Variants in AUH observed in about 807,000 individuals in gnomAD.
The protein encoded by AUH is methylglutaconyl-CoA hydratase, mitochondrial.
In AUH, 29 loss-of-function variants were observed where a neutral mutation model predicts 42.3. The ratio of observed to expected loss-of-function variants is 0.69; its 90% CI spans 0.51 to 0.93. AUH has a LOEUF of 0.93. Ranked by LOEUF, AUH falls within the 40% of genes least tolerant of loss-of-function variation. AUH has a pLI of 0.00. For missense variants in AUH, 452 were observed against 438.1 expected (o/e 1.03, Z -0.28); for synonymous variants, 174 against 166.4 (o/e 1.05, Z -0.35).
intron 6 of AUH, among the ~76,000 whole-genome samples, chr9:91,293,110 G>A (rs55642352): frequency 6.6e-6 from 1 of 151,890 alleles, no homozygotes; most frequent in Admixed American, 6.6e-5. Flanking sequence ...CTCAACCAAC[G>A]GGCTGTTCCC....
chr9:91,356,328 G>T (rs935407712), intron 1 of AUH, among the ~76,000 whole-genome samples, 173 bp from the exon 2 acceptor site: 2 of 152,096 alleles, frequency 1.3e-5, no homozygotes, highest in Non-Finnish European at 2.9e-5. Context: ...CAACATTTTG[G>T]TAAATTTTAC....
At chr9:91,341,835 G>A (rs1003397853) in intron 3 of AUH, among the ~76,000 whole-genome samples, 2 of 152,218 alleles carry the variant, frequency 1.3e-5, no homozygotes, top group African/African-American at 4.8e-5. Context: ...AAATGTGATG[G>A]AGGCTGGGGG....
chr9:91,325,332 A>G lies in AUH; in HGVS notation c.491T>C (p.Val164Ala). 4 of 1,613,750 alleles carry G rather than the reference A, an allele frequency of 2.5e-6. No homozygotes were observed. The highest frequency in any genetic ancestry group is 3.4e-6 in the Non-Finnish European group (4 of 1,179,760). ...ATAGTGCTTACCAATATCGTTAATC[A>G]CTGCTCTTATTTTGGAGACAAAAGG... The part of the protein sequence containing the change: ...VGPFVSKIRA[V>A]INDIANLPVP... Residue 164 changes from valine (V) to alanine (A), a missense_variant, in exon 4 of 10, where the codon GTG (valine) becomes GCG (alanine). Transcript: ENST00000375731.
intron 6 of AUH, among the ~76,000 whole-genome samples, chr9:91,239,167 T>TG (rs1828357350): frequency 6.6e-6 from 1 of 151,336 alleles, no homozygotes; most frequent in Admixed American, 6.6e-5. Context: ...TTTTTTTTTT[T>TG]TATCCTTCAT....
At chr9:91,284,034 G>C (rs1826197285) in intron 6 of AUH, among the ~76,000 whole-genome samples, 1 of 151,544 alleles carries the variant, frequency 6.6e-6, no homozygotes, top group Non-Finnish European at 1.5e-5. Flanking sequence ...AACAAAGCTG[G>C]AGGCATCATG....
At chr9:91,283,573 A>G (rs1199073166) in intron 6 of AUH, among the ~76,000 whole-genome samples, 1 of 152,240 alleles carries the variant, frequency 6.6e-6, no homozygotes, top group African/African-American at 2.4e-5. Flanking sequence ...CCATTGTCTC[A>G]GCCCAAAATC....
At chr9:91,353,549 T>C (rs1335126258) in intron 3 of AUH, among the ~76,000 whole-genome samples, 1 of 152,118 alleles carries the variant, frequency 6.6e-6, no homozygotes, top group Non-Finnish European at 1.5e-5. Context: ...GAGATTTTAT[T>C]TACCTATAAT....
chr9:91,223,588 G>A (rs1827259835), intron 6 of AUH, among the ~76,000 whole-genome samples: 1 of 152,144 alleles, frequency 6.6e-6, no homozygotes, highest in Non-Finnish European at 1.5e-5. Flanking sequence ...AATATATACA[G>A]CGTGGGACTG....
At chr9:91,347,974 T>C (rs1279066238) in intron 3 of AUH, among the ~76,000 whole-genome samples, 1 of 151,860 alleles carries the variant, frequency 6.6e-6, no homozygotes, top group African/African-American at 2.4e-5. Flanking sequence ...AAAAAACTTT[T>C]GTTCTTCAAA....
At chr9:91,282,557 A>AGT (rs1422808610) in intron 6 of AUH, among the ~76,000 whole-genome samples, 3 of 152,182 alleles carry the variant, frequency 2.0e-5, no homozygotes, top group African/African-American at 7.2e-5. Flanking sequence ...CAGGAGGAGC[A>AGT]GTGGTAGGAG....
Position 91,220,863 on chromosome 9 carries a change from T to C in AUH, c.785A>G (p.Gln262Arg). 6.2e-7 allele frequency: 1 copy of C among 1,614,274 alleles called. No homozygotes were observed. The highest frequency in any genetic ancestry group is 8.5e-7 in the Non-Finnish European group (1 of 1,180,046). ...CTTCCTGTAGGCCGCGTCTCCCTCC[T>C]GGTTCTGTTCCAGAACGTGGCTGAT... is the stretch of plus-strand genomic sequence containing the variant. The part of the protein sequence containing the change: ...GLISHVLEQN[Q>R]EGDAAYRKAL... The change falls in exon 7 of 10, where the codon CAG becomes CGG. Residue 262 changes from glutamine to arginine, a missense_variant. By Grantham distance (43) the Gln-to-Arg change is conservative (BLOSUM62 1). Transcript: ENST00000375731.
At chr9:91,317,343 G>C (rs1829235576) in intron 4 of AUH, among the ~76,000 whole-genome samples, 1 of 152,066 alleles carries the variant, frequency 6.6e-6, no homozygotes. Flanking sequence ...AGGATAATTT[G>C]TCTCCATTTA....
chr9:91,282,700 T>G (rs1003446446), intron 6 of AUH, among the ~76,000 whole-genome samples: 3 of 152,012 alleles, frequency 2.0e-5, no homozygotes, highest in Non-Finnish European at 2.9e-5. Context: ...GCAAATAAAC[T>G]AGAAAATCTA....
intron 4 of AUH, among the ~76,000 whole-genome samples, chr9:91,313,622 G>A (rs556914948): frequency 6.7e-6 from 1 of 150,068 alleles, no homozygotes; most frequent in Non-Finnish European, 1.5e-5. Context: ...GGAGAATGGC[G>A]TGAACCCGGG....
At chr9:91,348,008 A>G (rs6479337) in intron 3 of AUH, among the ~76,000 whole-genome samples, 30,804 of 150,058 alleles carry the variant, frequency 0.21, 3,378 homozygotes, top group East Asian at 0.32. Context: ...CAGAAAAATG[A>G]CAGGCCATTT....
intron 6 of AUH, among the ~76,000 whole-genome samples, chr9:91,232,177 G>A (rs1171598894): frequency 6.6e-6 from 1 of 152,096 alleles, no homozygotes; most frequent in Non-Finnish European, 1.5e-5. Flanking sequence ...TTGAGCCCAG[G>A]AGTTTGAGAC....
intron 6 of AUH, among the ~76,000 whole-genome samples, chr9:91,223,142 G>A (rs1202201575): frequency 6.6e-6 from 1 of 152,214 alleles, no homozygotes; most frequent in Non-Finnish European, 1.5e-5. Context: ...TGCGGTGGAG[G>A]CTAGAGGTAT....
intron 6 of AUH, among the ~76,000 whole-genome samples, chr9:91,243,127 G>A (rs564677421): frequency 6.6e-6 from 1 of 152,296 alleles, no homozygotes; most frequent in South Asian, 2.1e-4. Context: ...GCTCAGAGCA[G>A]TAAGGTGGCC....
At chr9:91,240,470 A>G (rs1828449928) in intron 6 of AUH, among the ~76,000 whole-genome samples, 1 of 152,146 alleles carries the variant, frequency 6.6e-6, no homozygotes, top group Non-Finnish European at 1.5e-5. Context: ...GAACAGAGCA[A>G]TGGAAGGAAT....
Sources: gnomAD v4.1 joint callset for allele counts (sites outside exome capture counted in the v4.1 genomes callset) on GRCh38, gnomAD v4.1.1 for gene constraint, MANE v1.5 for transcripts, NCBI Gene and HGNC (gene_info 2026-07-23, HGNC 2026-07-21) for gene names.